The following SLFN14 variants were observed in gnomAD, a reference collection of about 807,000 sequenced individuals.
SLFN14 encodes the protein protein SLFN14.
In SLFN14, 47 loss-of-function variants were observed where a neutral mutation model predicts 58.6. The observed-to-expected ratio is 0.80, with a 90% confidence interval of 0.64 to 1.02. SLFN14 has a LOEUF of 1.02. SLFN14 is among the 50% of genes least tolerant of loss of function. The probability of loss-of-function intolerance (pLI) is 0.00; values close to 1 mark genes in which losing one functional copy is unlikely to be tolerated. For missense variants in SLFN14, 967 were observed against 1,078.4 expected (o/e 0.90, Z 1.45); for synonymous variants, 390 against 387.3 (o/e 1.01, Z -0.08).
In SLFN14 at chr17:35,554,722, A is replaced by G; in HGVS notation, c.1061-18T>C. On this transcript the variant is annotated intron_variant, in intron 3 of 5. Coordinates refer to ENST00000674182, the MANE Select transcript of SLFN14 (RefSeq NM_001129820.2). ...GGGAGGAGCTAGACAATTACATGGA[A>G]AGTTGTTTCAGACAAAAAATAAAAA... is the stretch of plus-strand genomic sequence containing the variant. The G allele has an allele frequency of 7.5e-7, 1 of 1,339,926 alleles. No homozygotes were observed. The highest frequency in any genetic ancestry group is 9.6e-7 in the Non-Finnish European group (1 of 1,037,490). 83.0% of individuals were successfully genotyped at this position (1,339,926 alleles called of 1,614,324 possible).
chr17:35,557,315 TATC>T lies in SLFN14; in HGVS notation c.745_747del (p.Asp249del). The T allele has an allele frequency of 6.4e-7, 1 of 1,551,736 alleles. No homozygotes were observed. The highest frequency in any genetic ancestry group is 8.7e-7 in the Non-Finnish European group (1 of 1,146,996). On this transcript the variant is annotated inframe_deletion, in exon 3 of 6. Coordinates refer to ENST00000674182, the MANE Select transcript of SLFN14 (RefSeq NM_001129820.2). ...TTACATCCAACCACTTCTTTGCTCT[TATC>T]ATCCACCCCAATGAGGACATATCCC... is the stretch of plus-strand genomic sequence containing the variant.
At chr17:35,558,461 T>A (rs2072674407) in intron 2 of SLFN14, among the ~76,000 whole-genome samples, 1 of 151,758 alleles carries the variant, frequency 6.6e-6, no homozygotes, top group Admixed American at 6.6e-5. Context: ...TCTTGCTATT[T>A]TTTTTTTTTA....
intron 3 of SLFN14, among the ~76,000 whole-genome samples, chr17:35,556,239 T>G (rs1291708954): frequency 6.6e-6 from 1 of 151,994 alleles, no homozygotes; most frequent in Non-Finnish European, 1.5e-5. Flanking sequence ...GGCTTCGCTA[T>G]TTTGGCCAGG....
chr17:35,556,882 G>T, intron 3 of SLFN14, 121 bp downstream of exon 3: 1 of 928,312 alleles, frequency 1.1e-6, no homozygotes, highest in Non-Finnish European at 1.6e-6. Flanking sequence ...TGTAATGGGA[G>T]AACACTTATA....
Position 35,553,002 on chromosome 17 carries a change from C to G in SLFN14, c.1632G>C (p.Leu544Phe). The G allele has an allele frequency of 6.4e-7, 1 of 1,551,616 alleles. No individual in the cohort carries two copies. The highest frequency in any genetic ancestry group is 8.7e-7 in the Non-Finnish European group (1 of 1,146,990). Reference sequence around the variant, plus strand: ...GGGAGACCACCACCAGAGCCTGCAGCAAGTCTTCCATTTCCTCCTCATCAG... The same window carrying G: ...GGGAGACCACCACCAGAGCCTGCAGGAAGTCTTCCATTTCCTCCTCATCAG... Reference protein sequence around the residue: ...RLADEEEMEDLLQALVVVSLS... With the variant: ...RLADEEEMEDFLQALVVVSLS... The change falls in exon 5 of 6, where the codon TTG becomes TTC. Residue 544 changes from leucine (L) to phenylalanine (F), a missense_variant. Transcript: ENST00000674182.
Position 35,549,000 on chromosome 17 carries a change from CTA to C in SLFN14, c.1976_1977del (p.Ile659SerfsTer4). 1 of 1,551,696 alleles carries C rather than the reference CTA, an allele frequency of 6.4e-7. No homozygotes were observed. Among genetic ancestry groups the C allele is most frequent in the Non-Finnish European group, 8.7e-7 (1 of 1,146,988 alleles). ...CAGAAATTCTCAGTCTCATCCATCA[CTA>C]TGTGTTTAATCTTTAGAAACTCCCC... Reference protein sequence around the residue: ...MQGEFLKIKHIVMDETENFCS... With the variant: ...MQGEFLKIKHXVMDETENFCS... On this transcript the variant is annotated frameshift_variant, in exon 6 of 6. Transcript: ENST00000674182. LOFTEE classifies it low-confidence loss of function (END_TRUNC).
intron 1 of SLFN14, among the ~76,000 whole-genome samples, chr17:35,560,489 G>A (rs776341802): frequency 2.6e-5 from 4 of 152,098 alleles, no homozygotes; most frequent in South Asian, 2.1e-4. Flanking sequence ...CACCACTCTC[G>A]ATACATTTTT....
intron 5 of SLFN14, among the ~76,000 whole-genome samples, chr17:35,551,356 T>C (rs956159753): frequency 6.6e-6 from 1 of 152,190 alleles, no homozygotes; most frequent in Non-Finnish European, 1.5e-5. Context: ...CTCAGGAATA[T>C]TTTTTGTCTG....
In SLFN14 at chr17:35,557,396, G is replaced by A. The variant is rs757188030; in HGVS notation, c.667C>T (p.Arg223Trp). ...TAATGAGGCAGCATTTCCTTAATCC[G>A]AGGTATGACTTTTTTGGTGGTGAAC... ...KRFTTKKVIP[R>W]IKEMLPHYVS... The change falls in exon 3 of 6, where the codon CGG (arginine) becomes TGG (tryptophan). Residue 223 changes from arginine (R) to tryptophan (W), a missense_variant. Physicochemically the swap from Arg to Trp is moderately radical, Grantham distance 101. Transcript: ENST00000674182. 8 of 1,551,508 alleles carry A rather than the reference G, an allele frequency of 5.2e-6. No individual in the cohort carries two copies. The highest frequency in any genetic ancestry group is 3.6e-5 in the South Asian group (3 of 84,056).
chr17:35,558,479 G>A (rs891717802), intron 2 of SLFN14, among the ~76,000 whole-genome samples: 3 of 150,918 alleles, frequency 2.0e-5, no homozygotes, highest in Non-Finnish European at 4.4e-5. Flanking sequence ...TTAAGAGATG[G>A]AGTCTTGCTA....
chr17:35,558,013 A>G lies in SLFN14; in HGVS notation c.50T>C (p.Val17Ala), dbSNP rs1161850428. 1.9e-6 allele frequency: 3 copies of G among 1,551,560 alleles called. No individual in the cohort carries two copies. Among genetic ancestry groups the G allele is most frequent in the South Asian group, 2.4e-5 (2 of 84,060 alleles). The change falls in exon 3 of 6, where the codon GTA becomes GCA. Residue 17 changes from valine (V) to alanine (A), a missense_variant. Val to Ala is a moderately conservative substitution (Grantham distance 64). Transcript: ENST00000674182. ...TCCAAAAATCACTCTGCCCACATCT[A>G]CTATTACCTCAGGATACGGCATTTC... ...DTEMPYPEVI[V>A]DVGRVIFGEE...
Position 35,547,392 on chromosome 17 carries a change from A to G in SLFN14, c.*847T>C, listed in dbSNP as rs1469879184. 6.6e-6 allele frequency among the ~76,000 whole-genome samples: 1 copy of G among 152,186 alleles called. No individual in the cohort carries two copies. The highest frequency in any genetic ancestry group is 2.4e-5 in the African/African-American group (1 of 41,446). On this transcript the variant is annotated 3_prime_UTR_variant, in exon 6 of 6. Transcript: ENST00000674182. ...AACCTAATAGATATTGCAATAGTCTAATATAATCTGAAGATTTTTAAGATT... is the reference window on the plus strand; with the variant it reads ...AACCTAATAGATATTGCAATAGTCTGATATAATCTGAAGATTTTTAAGATT...
intron 5 of SLFN14, among the ~76,000 whole-genome samples, chr17:35,550,164 T>G (rs2072572037): frequency 6.6e-6 from 1 of 152,164 alleles, no homozygotes; most frequent in African/African-American, 2.4e-5. Flanking sequence ...CTCCCCTATT[T>G]GATTCACTTC....
At chr17:35,551,203 C>T (rs943798539) in intron 5 of SLFN14, among the ~76,000 whole-genome samples, 1 of 152,158 alleles carries the variant, frequency 6.6e-6, no homozygotes, top group African/African-American at 2.4e-5. Context: ...GCAACTAAGG[C>T]ACTGCAAAAA....
intron 5 of SLFN14, 91 bp downstream of exon 5, chr17:35,552,627 CATATATATACAT>C (rs1597905380): frequency 5.6e-6 from 2 of 358,690 alleles, no homozygotes; most frequent in Non-Finnish European, 8.8e-6. Flanking sequence ...TATATATACA[CATATATATACAT>C]ATATATATAC....
At chr17:35,560,427 A>G (rs1172584905) in intron 1 of SLFN14, among the ~76,000 whole-genome samples, 1 of 152,152 alleles carries the variant, frequency 6.6e-6, no homozygotes, top group Admixed American at 6.5e-5. Flanking sequence ...CCCCAGGTTC[A>G]AGTGACTCTC....
At chr17:35,555,536 A>C (rs1378809592) in intron 3 of SLFN14, among the ~76,000 whole-genome samples, 2 of 139,388 alleles carry the variant, frequency 1.4e-5, no homozygotes, top group African/African-American at 5.6e-5. Context: ...TAGGCGACAA[A>C]GCAAGACCCT....
intron 5 of SLFN14, among the ~76,000 whole-genome samples, 199 bp downstream of exon 5, chr17:35,552,531 T>C (rs2072600591): frequency 6.6e-6 from 1 of 151,798 alleles, no homozygotes; most frequent in Non-Finnish European, 1.5e-5. Flanking sequence ...ACGGCTACCC[T>C]CTTTGGGTCC....
rs1040465746 is a variant in SLFN14, at chr17:35,545,759, C to T, written c.*2480G>A. On this transcript the variant is annotated 3_prime_UTR_variant, in exon 6 of 6. Transcript: ENST00000674182. ...TCAAGTGATTCCCCCAGACCTCAGCCTCTCAAAGTTCTGGTATTACAGGCA... is the reference window on the plus strand; with the variant it reads ...TCAAGTGATTCCCCCAGACCTCAGCTTCTCAAAGTTCTGGTATTACAGGCA... Among the ~76,000 whole-genome samples, 2 of 152,158 alleles carry T rather than the reference C, an allele frequency of 1.3e-5. No homozygotes were observed. The highest frequency in any genetic ancestry group is 4.8e-5 in the African/African-American group (2 of 41,438).
Sources: gnomAD v4.1 joint callset for allele counts (sites outside exome capture counted in the v4.1 genomes callset) on GRCh38, gnomAD v4.1.1 for gene constraint, MANE v1.5 for transcripts, NCBI Gene and HGNC (gene_info 2026-07-23, HGNC 2026-07-21) for gene names.